LIN7A: variants seen among roughly 807,000 people sequenced by gnomAD.
The protein encoded by LIN7A is lin-7 cell polarity scaffold A, also known as protein lin-7 homolog A.
A neutral mutation model predicts 29.8 loss-of-function variants in LIN7A; 25 were observed. That is an observed-to-expected ratio of 0.84 (90% CI 0.61 to 1.17). The LOEUF (loss-of-function observed/expected upper bound fraction) is 1.17. LIN7A is among the 50% of genes most tolerant of loss of function. The probability of loss-of-function intolerance (pLI) is 0.00; values close to 1 mark genes in which losing one functional copy is unlikely to be tolerated. For synonymous variants in LIN7A, 118 were observed against 107.5 expected (o/e 1.10, Z -0.60); for missense variants, 239 against 287.0 (o/e 0.83, Z 1.21).
chr12:80,815,513 G>A (rs1186134872), intron 4 of LIN7A, among the ~76,000 whole-genome samples: 1 of 152,182 alleles, frequency 6.6e-6, no homozygotes, highest in East Asian at 1.9e-4. Flanking sequence ...ATTTTGAAAT[G>A]TGATAGGTTA....
intron 5 of LIN7A, among the ~76,000 whole-genome samples, chr12:80,800,797 G>GA (rs908247487): frequency 8.7e-5 from 13 of 149,534 alleles, no homozygotes; most frequent in Admixed American, 1.3e-4. Context: ...GACACTAGAA[G>GA]AAAAAAAAAC....
At chr12:80,934,407 A>G (rs1878092885) in intron 1 of LIN7A, among the ~76,000 whole-genome samples, 1 of 152,130 alleles carries the variant, frequency 6.6e-6, no homozygotes, top group Non-Finnish European at 1.5e-5. Flanking sequence ...GATCAAAAAG[A>G]GTTTTGGATA....
chr12:80,916,377 C>T (rs1877031017), intron 1 of LIN7A, among the ~76,000 whole-genome samples: 1 of 152,144 alleles, frequency 6.6e-6, no homozygotes, highest in Admixed American at 6.6e-5. Flanking sequence ...CTCTGTTTGA[C>T]TTCATTTCTT....
Position 80,917,352 on chromosome 12 carries a change from G to T in LIN7A, c.82+20289C>A, listed in dbSNP as rs552613238. Among the ~76,000 whole-genome samples, 8 of 152,276 alleles carry T rather than the reference G, an allele frequency of 5.3e-5. No homozygotes were observed. In the South Asian group the frequency reaches 1.7e-3, roughly 32 times the overall value. ...AAGCCACTGAAGATTTGAATGCAAA[G>T]GATGACCAGATCAATGTCTCAGGAA... On this transcript the variant is annotated intron_variant, in intron 1 of 5. Transcript: ENST00000552864.
intron 4 of LIN7A, among the ~76,000 whole-genome samples, chr12:80,821,370 G>A (rs530962811): frequency 6.6e-6 from 1 of 152,204 alleles, no homozygotes; most frequent in East Asian, 1.9e-4. Context: ...TGTGCACAGT[G>A]CATAGTAGTG....
chr12:80,820,930 A>G (rs535784985), intron 4 of LIN7A, among the ~76,000 whole-genome samples: 2 of 152,242 alleles, frequency 1.3e-5, no homozygotes, highest in African/African-American at 2.4e-5. Flanking sequence ...AGAAATGTAC[A>G]TACTCCTAAG....
chr12:80,802,129 G>A (rs1004662140), intron 5 of LIN7A, among the ~76,000 whole-genome samples: 2 of 151,890 alleles, frequency 1.3e-5, no homozygotes, highest in South Asian at 2.1e-4. Context: ...TCCTGACCTC[G>A]TGATCCACCC....
chr12:80,898,765 T>G (rs1209712299), intron 1 of LIN7A, among the ~76,000 whole-genome samples: 3 of 152,200 alleles, frequency 2.0e-5, no homozygotes, highest in African/African-American at 4.8e-5. Flanking sequence ...GAGATTGCAT[T>G]CTTGATGTGG....
chr12:80,848,165 C>T, intron 3 of LIN7A, 86 bp downstream of exon 3: 3 of 957,638 alleles, frequency 3.1e-6, no homozygotes, highest in Non-Finnish European at 5.0e-6. Flanking sequence ...ACAGTGTACA[C>T]ACGAGAATAC....
intron 1 of LIN7A, among the ~76,000 whole-genome samples, chr12:80,908,267 G>T (rs373283443): frequency 6.6e-5 from 10 of 151,994 alleles, no homozygotes; most frequent in African/African-American, 2.4e-4. Flanking sequence ...ATATACAAAC[G>T]TGTACCAACC....
intron 4 of LIN7A, among the ~76,000 whole-genome samples, chr12:80,833,985 A>G (rs895601039): frequency 6.6e-6 from 1 of 152,064 alleles, no homozygotes; most frequent in Non-Finnish European, 1.5e-5. Flanking sequence ...CTCCTTCTGG[A>G]CCCTAAAATA....
chr12:80,814,527 C>T (rs905964521), intron 4 of LIN7A, among the ~76,000 whole-genome samples: 6 of 152,048 alleles, frequency 3.9e-5, no homozygotes, highest in African/African-American at 1.4e-4. Context: ...CTAGGCCAGA[C>T]CTTTAGAGGC....
intron 2 of LIN7A, among the ~76,000 whole-genome samples, chr12:80,865,086 A>G (rs1056067800): frequency 3.9e-5 from 6 of 152,228 alleles, no homozygotes. Flanking sequence ...ATAGCTCAGC[A>G]TTAAAGAAAA....
chr12:80,864,021 A>G (rs1874010111), intron 2 of LIN7A, among the ~76,000 whole-genome samples: 1 of 152,168 alleles, frequency 6.6e-6, no homozygotes. Context: ...ATTGAGTGAA[A>G]TTTCATGTAA....
At chr12:80,842,084 T>C (rs1407439004) in intron 4 of LIN7A, 2 of 1,287,310 alleles carry the variant, frequency 1.6e-6, no homozygotes, top group Admixed American at 4.6e-5. Context: ...TCCCAATGAT[T>C]GCTGAGCTGA....
intron 3 of LIN7A, among the ~76,000 whole-genome samples, chr12:80,847,322 G>T (rs1284209862): frequency 6.6e-6 from 1 of 152,056 alleles, no homozygotes; most frequent in Non-Finnish European, 1.5e-5. Context: ...TACAAGCAAA[G>T]CATGACATGA....
chr12:80,811,967 C>G (rs1474638116), intron 4 of LIN7A, among the ~76,000 whole-genome samples: 1 of 151,838 alleles, frequency 6.6e-6, no homozygotes, highest in Non-Finnish European at 1.5e-5. Context: ...AATGAAATTT[C>G]CAAATTTTAT....
At chr12:80,937,526 C>A (rs1456833402) in intron 1 of LIN7A, 115 bp downstream of exon 1, 3 of 665,490 alleles carry the variant, frequency 4.5e-6, no homozygotes, top group Non-Finnish European at 6.9e-6. Context: ...GGCTCGTCCT[C>A]GTTCCCCTTC....
At chr12:80,822,294 G>A (rs148802584) in intron 4 of LIN7A, among the ~76,000 whole-genome samples, 25 of 152,258 alleles carry the variant, frequency 1.6e-4, no homozygotes, top group African/African-American at 5.1e-4. Context: ...GCAGTGGCTC[G>A]TGTCTGTAAT....
Sources: gnomAD v4.1 joint callset for allele counts (sites outside exome capture counted in the v4.1 genomes callset) on GRCh38, gnomAD v4.1.1 for gene constraint, MANE v1.5 for transcripts, NCBI Gene and HGNC (gene_info 2026-07-23, HGNC 2026-07-21) for gene names.